VEGFC: variants seen among roughly 807,000 people sequenced by gnomAD.
VEGFC encodes FLT4 ligand DHM.
Under a neutral mutation model 46.1 loss-of-function variants are expected in VEGFC, and 12 were observed. The observed-to-expected ratio is 0.26, with a 90% CI of 0.17 to 0.42. The LOEUF (loss-of-function observed/expected upper bound fraction) is 0.42. Among genes scored for constraint, VEGFC ranks in the 10% least tolerant of loss-of-function variants. The pLI is 1.00. For synonymous variants in VEGFC, 232 were observed against 195.5 expected, an observed-to-expected ratio of 1.19 and a Z score of -1.56; for missense variants, 488 against 529.4, an observed-to-expected ratio of 0.92 and a Z score of 0.77.
intron 1 of VEGFC, among the ~76,000 whole-genome samples, chr4:176,748,900 T>C (rs1359127884): frequency 1.3e-5 from 2 of 151,932 alleles, no homozygotes; most frequent in Non-Finnish European, 2.9e-5. Flanking sequence ...GAGTATAAAA[T>C]ATTTAACTAC....
At chr4:176,788,459 A>T (rs545838758) in intron 1 of VEGFC, among the ~76,000 whole-genome samples, 1 of 152,350 alleles carries the variant, frequency 6.6e-6, no homozygotes, top group Non-Finnish European at 1.5e-5. Context: ...AGTCTGAATC[A>T]CAGGCCCAAA....
chr4:176,719,788 C>T (rs192835255), intron 3 of VEGFC, among the ~76,000 whole-genome samples: 186 of 152,222 alleles, frequency 1.2e-3, no homozygotes, highest in Non-Finnish European at 2.0e-3. Context: ...CTGCCGGGTG[C>T]GGTGGCTCAT....
At chr4:176,712,126 G>T (rs995765641) in intron 3 of VEGFC, among the ~76,000 whole-genome samples, 1 of 151,994 alleles carries the variant, frequency 6.6e-6, no homozygotes, top group Non-Finnish European at 1.5e-5. Flanking sequence ...ATACATAGAC[G>T]TAAGTTACAT....
At position 176,742,317 on chromosome 4, in the gene VEGFC, T is replaced by G. The variant is rs191172933; in HGVS notation, c.148-12571A>C. On this transcript the variant is annotated intron_variant, in intron 1 of 6. Transcript: ENST00000618562. ...CATGGTGTGTATGTACCACATTTTC[T>G]GTATCCAGTCCCCCGCTGATAGGAA... Among the ~76,000 whole-genome samples, 33 of 152,206 alleles carry G rather than the reference T, an allele frequency of 2.2e-4. No individual in the cohort carries two copies. The East Asian group carries it at 6.4e-3, about 29-fold the overall frequency.
chr4:176,685,795 C>T (rs555746739), intron 6 of VEGFC, among the ~76,000 whole-genome samples: 1 of 151,772 alleles, frequency 6.6e-6, no homozygotes, highest in African/African-American at 2.4e-5. Context: ...AAAATTATAC[C>T]TATGATGTAC....
chr4:176,708,593 T>C (rs1734574590), intron 4 of VEGFC, among the ~76,000 whole-genome samples: 1 of 152,140 alleles, frequency 6.6e-6, no homozygotes, highest in Non-Finnish European at 1.5e-5. Context: ...TAAATGGTAA[T>C]TTGTTTTAGT....
At chr4:176,742,088 C>G (rs911685343) in intron 1 of VEGFC, among the ~76,000 whole-genome samples, 1 of 151,962 alleles carries the variant, frequency 6.6e-6, no homozygotes. Flanking sequence ...TCTCCTCCCT[C>G]TTTCCCCCCA....
chr4:176,729,402 T>C, intron 2 of VEGFC, 131 bp downstream of exon 2: 1 of 714,212 alleles, frequency 1.4e-6, no homozygotes, highest in Non-Finnish European at 2.2e-6. Context: ...GAAGTAATTC[T>C]TTATTTTCTA....
chr4:176,698,785 C>T (rs1459221675), intron 4 of VEGFC, among the ~76,000 whole-genome samples: 1 of 151,992 alleles, frequency 6.6e-6, no homozygotes, highest in South Asian at 2.1e-4. Flanking sequence ...TTCTAGATTC[C>T]ATATATAAGG....
chr4:176,764,776 C>T (rs1362021561), intron 1 of VEGFC, among the ~76,000 whole-genome samples: 1 of 152,190 alleles, frequency 6.6e-6, no homozygotes, highest in Non-Finnish European at 1.5e-5. Flanking sequence ...TACACTGAAT[C>T]CTCTCTAGAA....
At chr4:176,734,981 G>C (rs1343402763) in intron 1 of VEGFC, among the ~76,000 whole-genome samples, 1 of 151,136 alleles carries the variant, frequency 6.6e-6, no homozygotes, top group African/African-American at 2.4e-5. Flanking sequence ...GACTGGCAAA[G>C]CAAATGTTTC....
At chr4:176,753,045 C>T (rs1415394524) in intron 1 of VEGFC, among the ~76,000 whole-genome samples, 3 of 152,030 alleles carry the variant, frequency 2.0e-5, no homozygotes, top group African/African-American at 7.2e-5. Flanking sequence ...TTAACTAAAA[C>T]CTACAAGGAG....
intron 1 of VEGFC, among the ~76,000 whole-genome samples, chr4:176,735,291 C>T (rs944382277): frequency 6.6e-6 from 1 of 151,886 alleles, no homozygotes; most frequent in Admixed American, 6.6e-5. Flanking sequence ...TTATCCAGCA[C>T]TTATAGCCTG....
intron 1 of VEGFC, among the ~76,000 whole-genome samples, chr4:176,781,958 G>A (rs1560965995): frequency 6.6e-6 from 1 of 152,154 alleles, no homozygotes; most frequent in Non-Finnish European, 1.5e-5. Flanking sequence ...TCTCAGAGTG[G>A]CACTCACTCA....
chr4:176,711,368 C>G, intron 4 of VEGFC, 131 bp downstream of exon 4: 1 of 1,090,948 alleles, frequency 9.2e-7, no homozygotes, highest in East Asian at 2.9e-5. Context: ...AAAATTTTGT[C>G]TTTGTTTTGT....
chr4:176,711,108 T>C (rs149524322), intron 4 of VEGFC, among the ~76,000 whole-genome samples: 195 of 152,262 alleles, frequency 1.3e-3, no homozygotes, highest in African/African-American at 4.4e-3. Flanking sequence ...ATTATTTATA[T>C]TTACTTTTTG....
chr4:176,737,053 T>C (rs1013171092), intron 1 of VEGFC, among the ~76,000 whole-genome samples: 1 of 150,670 alleles, frequency 6.6e-6, no homozygotes, highest in Non-Finnish European at 1.5e-5. Flanking sequence ...ATACAAAACA[T>C]ACACTATTTA....
chr4:176,721,367 A>G (rs1734782219), intron 3 of VEGFC, among the ~76,000 whole-genome samples: 1 of 152,220 alleles, frequency 6.6e-6, no homozygotes, highest in African/African-American at 2.4e-5. Flanking sequence ...TGCTGGCTCC[A>G]TCCCAATAAG....
At chr4:176,761,736 T>C (rs1391497057) in intron 1 of VEGFC, among the ~76,000 whole-genome samples, 1 of 152,146 alleles carries the variant, frequency 6.6e-6, no homozygotes, top group Non-Finnish European at 1.5e-5. Flanking sequence ...AATAAACATA[T>C]ACTTAACACT....
Sources: gnomAD v4.1 joint callset for allele counts (sites outside exome capture counted in the v4.1 genomes callset) on GRCh38, gnomAD v4.1.1 for gene constraint, MANE v1.5 for transcripts, NCBI Gene and HGNC (gene_info 2026-07-23, HGNC 2026-07-21) for gene names.